Variants in AK7 observed in about 807,000 individuals in gnomAD.
AK7 encodes the protein ATP-AMP transphosphorylase 7.
In AK7, 78 loss-of-function variants were observed where a neutral mutation model predicts 96.6. The observed-to-expected ratio is 0.81, with a 90% CI of 0.67 to 0.97. The LOEUF is 0.97. Ranked by LOEUF, AK7 falls within the 50% of genes least tolerant of loss-of-function variation. The pLI is 0.00. For missense variants in AK7, 855 were observed against 887.9 expected (o/e 0.96, Z 0.47); for synonymous variants, 302 against 317.2 (o/e 0.95, Z 0.51).
chr14:96,462,416 C>T (rs1894304193), intron 12 of AK7, among the ~76,000 whole-genome samples: 1 of 152,170 alleles, frequency 6.6e-6, no homozygotes, highest in Admixed American at 6.5e-5. Context: ...CTGAGGTTAC[C>T]TCACCTTTCC....
At chr14:96,433,076 G>A (rs1566781355) in intron 5 of AK7, among the ~76,000 whole-genome samples, 5 of 151,576 alleles carry the variant, frequency 3.3e-5, no homozygotes, top group South Asian at 2.1e-4. Flanking sequence ...TGGGTAACTC[G>A]ACCTTTCTCT....
intron 12 of AK7, among the ~76,000 whole-genome samples, chr14:96,466,247 T>A (rs537907054): frequency 1.6e-4 from 24 of 151,390 alleles, no homozygotes; most frequent in South Asian, 4.2e-4. Context: ...TTATTTATTT[T>A]TTTTTTGAGA....
chr14:96,476,500 T>C (rs1258575461), intron 14 of AK7, among the ~76,000 whole-genome samples: 5 of 142,288 alleles, frequency 3.5e-5, no homozygotes, highest in Admixed American at 3.5e-4. Context: ...AGCGAGACTT[T>C]GTCTCAAAAA....
chr14:96,465,268 T>C (rs1438432843), intron 12 of AK7, among the ~76,000 whole-genome samples: 1 of 152,080 alleles, frequency 6.6e-6, no homozygotes, highest in Non-Finnish European at 1.5e-5. Context: ...AAGACCATCC[T>C]AGCTAACATG....
intron 1 of AK7, among the ~76,000 whole-genome samples, chr14:96,394,521 A>G (rs1362698546): frequency 6.6e-6 from 1 of 152,212 alleles, no homozygotes; most frequent in East Asian, 1.9e-4. Flanking sequence ...GGATGCACTC[A>G]TGGTCTGTGC....
intron 6 of AK7, among the ~76,000 whole-genome samples, chr14:96,438,752 C>T (rs1001729879): frequency 1.3e-5 from 2 of 152,146 alleles, no homozygotes; most frequent in African/African-American, 4.8e-5. Flanking sequence ...CTTTCTCCTT[C>T]TGCTGTGCTG....
chr14:96,433,603 C>T (rs1010761440), intron 5 of AK7, among the ~76,000 whole-genome samples: 3 of 152,128 alleles, frequency 2.0e-5, no homozygotes, highest in South Asian at 2.1e-4. Context: ...AGCTTCCTTG[C>T]GATGTGTTCG....
chr14:96,472,907 C>T, intron 14 of AK7, 152 bp downstream of exon 14: 1 of 563,170 alleles, frequency 1.8e-6, no homozygotes, highest in Non-Finnish European at 3.2e-6. Flanking sequence ...CATGGCGAAA[C>T]CCCATCTCTA....
In AK7 at chr14:96,472,668, GAATATT is replaced by G; in HGVS notation, c.1487-18_1487-13del. On this transcript the variant is annotated splice_polypyrimidine_tract_variant and intron_variant, in intron 13 of 17. Coordinates refer to ENST00000267584, the MANE Select transcript of AK7 (RefSeq NM_152327.5). ...ATAATATATTAATAAACACAATGAGGAATATTTTGTTTTCTTAGAGGAAGATGAGGA... is the reference window on the plus strand; with the variant it reads ...ATAATATATTAATAAACACAATGAGGTTGTTTTCTTAGAGGAAGATGAGGA... The G allele has an allele frequency of 6.3e-7, 1 of 1,596,240 alleles. No homozygotes were observed. The highest frequency in any genetic ancestry group is 8.6e-7 in the Non-Finnish European group (1 of 1,164,186).
chr14:96,442,854 T>C (rs763692103), intron 7 of AK7, 36 bp downstream of exon 7: 65 of 1,569,316 alleles, frequency 4.1e-5, no homozygotes, highest in South Asian at 2.8e-4. Context: ...CTTCACAGAA[T>C]TGGTTAATGT....
At chr14:96,414,757 CT>C (rs10694621) in intron 4 of AK7, among the ~76,000 whole-genome samples, 5,317 of 100,054 alleles carry the variant, frequency 0.053, 404 homozygotes, top group African/African-American at 0.19. Flanking sequence ...AGGATTCCTT[CT>C]TTTTTTTTTT....
At chr14:96,424,256 G>A (rs1267665851) in intron 5 of AK7, 2 of 428,460 alleles carry the variant, frequency 4.7e-6, no homozygotes, top group Non-Finnish European at 8.4e-6. Flanking sequence ...AGTGCCGCGG[G>A]AGGCCAGGCG....
chr14:96,417,640 G>A (rs1351136586), intron 4 of AK7, among the ~76,000 whole-genome samples: 1 of 152,126 alleles, frequency 6.6e-6, no homozygotes, highest in Non-Finnish European at 1.5e-5. Flanking sequence ...TGCTCTCTTT[G>A]TATCTATGGC....
intron 3 of AK7, among the ~76,000 whole-genome samples, chr14:96,405,616 G>A (rs1158664521): frequency 6.6e-6 from 1 of 152,154 alleles, no homozygotes; most frequent in Non-Finnish European, 1.5e-5. Flanking sequence ...TCACACAAGA[G>A]ACAAGGCACC....
Position 96,449,896 on chromosome 14 carries a change from T to TTA in AK7, c.948+18_948+19insAT, listed in dbSNP as rs760442877. 1 of 1,087,684 alleles carries TTA rather than the reference T, an allele frequency of 9.2e-7. No homozygotes were observed. Among genetic ancestry groups the TTA allele is most frequent in the East Asian group, 2.9e-5 (1 of 34,266 alleles). The allele number at this position is 1,087,684 out of a possible 1,614,324, so 67.4% of individuals were successfully genotyped here. A position where few individuals can be genotyped will look rare whatever the true frequency, so the allele number is the denominator to read the frequency against. On this transcript the variant is annotated intron_variant, in intron 9 of 17. Transcript: ENST00000267584. ...GACTTAACGGTTAGTATATGCGGTG[T>TTA]TTTTTTTTTTTTAACTATCTTTCTC...
chr14:96,425,921 C>A (rs1038640456), intron 5 of AK7, among the ~76,000 whole-genome samples: 1 of 152,036 alleles, frequency 6.6e-6, no homozygotes, highest in Non-Finnish European at 1.5e-5. Context: ...GAGTGTGTTT[C>A]TTGTAGGCAA....
At chr14:96,427,168 C>T (rs1892072929) in intron 5 of AK7, among the ~76,000 whole-genome samples, 1 of 152,172 alleles carries the variant, frequency 6.6e-6, no homozygotes, top group Admixed American at 6.5e-5. Flanking sequence ...TCGTTTGAAC[C>T]TGGAAGGCAG....
chr14:96,471,155 G>T (rs1339784696), intron 12 of AK7, among the ~76,000 whole-genome samples: 1 of 151,948 alleles, frequency 6.6e-6, no homozygotes, highest in Non-Finnish European at 1.5e-5. Flanking sequence ...AACATTGCAA[G>T]ATCCTTTCTC....
At chr14:96,410,492 T>G (rs1408658604) in intron 4 of AK7, among the ~76,000 whole-genome samples, 2 of 152,210 alleles carry the variant, frequency 1.3e-5, no homozygotes, top group Non-Finnish European at 2.9e-5. Context: ...CTTTCTTTTA[T>G]GGTTTCTTTT....
Sources: gnomAD v4.1 joint callset for allele counts (sites outside exome capture counted in the v4.1 genomes callset) on GRCh38, gnomAD v4.1.1 for gene constraint, MANE v1.5 for transcripts, NCBI Gene and HGNC (gene_info 2026-07-23, HGNC 2026-07-21) for gene names.